The following TTLL5 variants were observed in gnomAD, a reference collection of about 807,000 sequenced individuals.
TTLL5 encodes tubulin polyglutamylase TTLL5.
Under a neutral mutation model 168.4 loss-of-function variants are expected in TTLL5, and 132 were observed. The observed-to-expected ratio is 0.78, with a 90% CI of 0.68 to 0.91. The LOEUF (loss-of-function observed/expected upper bound fraction) is 0.91. TTLL5 is among the 40% of genes least tolerant of loss of function. TTLL5 has a pLI of 0.00. For missense variants in TTLL5, 1,545 were observed against 1,581.5 expected, an observed-to-expected ratio of 0.98 and a Z score of 0.39; for synonymous variants, 546 against 558.6, an observed-to-expected ratio of 0.98 and a Z score of 0.32.
chr14:75,948,302 T>C (rs1246262302), intron 31 of TTLL5, among the ~76,000 whole-genome samples: 3 of 152,042 alleles, frequency 2.0e-5, no homozygotes, highest in South Asian at 4.2e-4. Context: ...CTGGCCAACA[T>C]GCTGAAACCC....
At chr14:75,734,074 TG>T in intron 14 of TTLL5, 24 bp downstream of exon 14, 1 of 1,610,662 alleles carries the variant, frequency 6.2e-7, no homozygotes, top group Non-Finnish European at 8.5e-7. Context: ...TTTTCTGAAC[TG>T]GACTCACATA....
chr14:75,917,414 G>A (rs893819134), intron 31 of TTLL5, among the ~76,000 whole-genome samples: 6 of 152,190 alleles, frequency 3.9e-5, no homozygotes, highest in Non-Finnish European at 7.3e-5. Context: ...AACTCGGCCC[G>A]TCAAGGTGAT....
chr14:75,890,719 T>G (rs1340066647), intron 30 of TTLL5, among the ~76,000 whole-genome samples: 1 of 152,006 alleles, frequency 6.6e-6, no homozygotes, highest in Non-Finnish European at 1.5e-5. Flanking sequence ...ATCTTTTTTG[T>G]TTTTGTTTTT....
intron 26 of TTLL5, among the ~76,000 whole-genome samples, chr14:75,786,216 A>G (rs1892352809): frequency 6.6e-6 from 1 of 152,184 alleles, no homozygotes; most frequent in South Asian, 2.1e-4. Context: ...AAAATCGGTA[A>G]TAATAATGAT....
intron 31 of TTLL5, among the ~76,000 whole-genome samples, chr14:75,932,557 A>C (rs991016982): frequency 3.9e-5 from 6 of 151,938 alleles, no homozygotes. Context: ...ATTTTTTTTT[A>C]CTGTTTTAAC....
intron 9 of TTLL5, among the ~76,000 whole-genome samples, chr14:75,713,564 A>G (rs1594911990): frequency 6.6e-6 from 1 of 152,360 alleles, no homozygotes; most frequent in East Asian, 1.9e-4. Flanking sequence ...CTTTTAGGTT[A>G]TTGTTAATAG....
intron 6 of TTLL5, among the ~76,000 whole-genome samples, chr14:75,690,555 C>T (rs548805021): frequency 2.0e-5 from 3 of 152,198 alleles, no homozygotes; most frequent in South Asian, 2.1e-4. Flanking sequence ...TATAAGCATG[C>T]CCCTGTCTTA....
intron 9 of TTLL5, among the ~76,000 whole-genome samples, chr14:75,714,861 G>A (rs1404133271): frequency 6.6e-6 from 1 of 152,108 alleles, no homozygotes; most frequent in Non-Finnish European, 1.5e-5. Flanking sequence ...GGGCATTTCT[G>A]CTTTCAGACC....
chr14:75,779,802 G>A, intron 24 of TTLL5, 100 bp downstream of exon 24: 1 of 1,230,078 alleles, frequency 8.1e-7, no homozygotes, highest in Non-Finnish European at 1.1e-6. Flanking sequence ...AGCACTAATA[G>A]TCCCCAAGGT....
At chr14:75,708,463 C>T (rs1886807845) in intron 9 of TTLL5, among the ~76,000 whole-genome samples, 1 of 151,894 alleles carries the variant, frequency 6.6e-6, no homozygotes, top group Non-Finnish European at 1.5e-5. Context: ...GTAGCTGGGA[C>T]AACAGGTGCC....
At chr14:75,947,174 G>T (rs2034802401) in intron 31 of TTLL5, among the ~76,000 whole-genome samples, 1 of 152,178 alleles carries the variant, frequency 6.6e-6, no homozygotes, top group Non-Finnish European at 1.5e-5. Context: ...ACAGTGGAGG[G>T]AAGAGAAAAT....
chr14:75,739,975 T>C (rs1889148911), intron 15 of TTLL5, among the ~76,000 whole-genome samples: 1 of 152,218 alleles, frequency 6.6e-6, no homozygotes, highest in Admixed American at 6.5e-5. Flanking sequence ...TCCTTCCAGA[T>C]GTTAATGAAG....
chr14:75,745,244 A>C, intron 16 of TTLL5, 36 bp downstream of exon 16: 1 of 1,596,158 alleles, frequency 6.3e-7, no homozygotes, highest in Non-Finnish European at 8.6e-7. Flanking sequence ...TTGTGGGTTA[A>C]CACAGGGTTT....
chr14:75,828,331 G>A (rs899802361), intron 28 of TTLL5, among the ~76,000 whole-genome samples: 12 of 151,538 alleles, frequency 7.9e-5, no homozygotes, highest in African/African-American at 2.4e-5. Flanking sequence ...CTCCTCCTCG[G>A]CTTACTTAAC....
intron 31 of TTLL5, among the ~76,000 whole-genome samples, chr14:75,939,044 T>C (rs2034516946): frequency 6.6e-6 from 1 of 152,160 alleles, no homozygotes; most frequent in Non-Finnish European, 1.5e-5. Flanking sequence ...TTCAGTAACT[T>C]TGCGTTGGTT....
chr14:75,700,991 T>G (rs1169731204), intron 7 of TTLL5, among the ~76,000 whole-genome samples: 1 of 151,850 alleles, frequency 6.6e-6, no homozygotes, highest in Non-Finnish European at 1.5e-5. Flanking sequence ...TGTCTCCGCT[T>G]TTAGAACTCT....
intron 28 of TTLL5, chr14:75,820,777 T>C (rs534407992): frequency 6.5e-6 from 1 of 153,500 alleles, no homozygotes; most frequent in African/African-American, 2.4e-5. Flanking sequence ...AATTCTGGTC[T>C]TGCTGTGTGT....
At chr14:75,666,988 T>TA (rs2140084044) in intron 2 of TTLL5, among the ~76,000 whole-genome samples, 1 of 152,346 alleles carries the variant, frequency 6.6e-6, no homozygotes, top group African/African-American at 2.4e-5. Context: ...TTCAGTTTCC[T>TA]AATCATTCTG....
At chr14:75,732,252 G>A in intron 12 of TTLL5, 86 bp from the exon 13 acceptor site, 1 of 1,144,870 alleles carries the variant, frequency 8.7e-7, no homozygotes, top group Non-Finnish European at 1.3e-6. Flanking sequence ...CTAGGCCTGG[G>A]AGTTAATGAG....
Sources: allele counts gnomAD v4.1 joint callset (sites outside exome capture counted in the v4.1 genomes callset), GRCh38; gene constraint gnomAD v4.1.1; transcripts MANE v1.5; gene names NCBI Gene and HGNC (gene_info 2026-07-23, HGNC 2026-07-21).